The following DEPTOR variants were observed in gnomAD, a reference collection of about 807,000 sequenced individuals.
The protein encoded by DEPTOR is DEP domain-containing mTOR-interacting protein.
A neutral mutation model predicts 41.6 loss-of-function variants in DEPTOR; 41 were observed. That is an observed-to-expected ratio of 0.98 (90% CI 0.77 to 1.28). The LOEUF (loss-of-function observed/expected upper bound fraction) is 1.28, where lower values mean the gene tolerates loss of function less well. DEPTOR is among the 50% of genes most tolerant of loss of function. The probability of loss-of-function intolerance (pLI) is 0.00; values close to 1 mark genes in which losing one functional copy is unlikely to be tolerated. For missense variants in DEPTOR, 514 were observed against 527.9 expected (o/e 0.97, Z 0.26); for synonymous variants, 195 against 192.3 (o/e 1.01, Z -0.12).
At chr8:120,018,845 T>C (rs1812652118) in intron 8 of DEPTOR, among the ~76,000 whole-genome samples, 1 of 152,126 alleles carries the variant, frequency 6.6e-6, no homozygotes, top group Non-Finnish European at 1.5e-5. Flanking sequence ...TGTCCTTCCT[T>C]TGCAGGGATT....
intron 1 of DEPTOR, among the ~76,000 whole-genome samples, chr8:119,919,889 A>G (rs564340521): frequency 6.6e-5 from 10 of 152,186 alleles, no homozygotes; most frequent in Non-Finnish European, 1.0e-4. Context: ...TTGAAAAACA[A>G]TTTCTACATT....
Position 120,011,523 on chromosome 8 carries a change from A to T in DEPTOR, c.1101+2390A>T, listed in dbSNP as rs956059991. On this transcript the variant is annotated intron_variant, in intron 8 of 8. Transcript: ENST00000286234. ...GGATTTTATATTTTATTTCCACAAT[A>T]AAGTACCTGGTATAAATTTTTTTTG... is the stretch of plus-strand genomic sequence containing the variant. Among the ~76,000 whole-genome samples, 22 of 152,332 alleles carry T rather than the reference A, an allele frequency of 1.4e-4. No individual in the cohort carries two copies. The East Asian group carries it at 4.3e-3, about 29-fold the overall frequency.
At chr8:119,895,509 G>A (rs1029398099) in intron 1 of DEPTOR, among the ~76,000 whole-genome samples, 7 of 152,212 alleles carry the variant, frequency 4.6e-5, no homozygotes, top group Admixed American at 2.0e-4. Context: ...CTGTTCCTCA[G>A]GGGGTACCCT....
chr8:119,998,627 A>T (rs781604645), intron 4 of DEPTOR, among the ~76,000 whole-genome samples: 2 of 152,202 alleles, frequency 1.3e-5, no homozygotes, highest in Non-Finnish European at 2.9e-5. Flanking sequence ...AACCTGCACT[A>T]TAGCTCCAAG....
At chr8:119,923,036 T>A (rs2129828788) in intron 1 of DEPTOR, among the ~76,000 whole-genome samples, 1 of 152,120 alleles carries the variant, frequency 6.6e-6, no homozygotes, top group Non-Finnish European at 1.5e-5. Flanking sequence ...GAACTGAACC[T>A]CATTGGCTTG....
chr8:119,927,601 T>A (rs1449534508), intron 1 of DEPTOR, among the ~76,000 whole-genome samples: 2 of 147,230 alleles, frequency 1.4e-5, no homozygotes, highest in South Asian at 2.1e-4. Context: ...TATATATATA[T>A]AAATATATAT....
chr8:120,049,542 T>C (rs768986042), intron 8 of DEPTOR, 34 bp from the exon 9 acceptor site: 1 of 1,608,726 alleles, frequency 6.2e-7, no homozygotes, highest in Non-Finnish European at 8.5e-7. Flanking sequence ...CCAGGCGCTA[T>C]AATAGATGCT....
intron 8 of DEPTOR, among the ~76,000 whole-genome samples, chr8:120,019,948 C>G (rs1812673746): frequency 6.6e-6 from 1 of 152,114 alleles, no homozygotes; most frequent in Admixed American, 6.6e-5. Flanking sequence ...GACCAAGGTC[C>G]TTTCTGACTG....
At chr8:119,918,450 A>C (rs1314116671) in intron 1 of DEPTOR, among the ~76,000 whole-genome samples, 4 of 93,106 alleles carry the variant, frequency 4.3e-5, no homozygotes, top group Admixed American at 2.6e-4. Context: ...TTATTTATTT[A>C]TTTATTTATT....
chr8:119,934,367 G>C (rs562560066), intron 3 of DEPTOR, among the ~76,000 whole-genome samples: 21 of 152,310 alleles, frequency 1.4e-4, no homozygotes, highest in African/African-American at 4.8e-4. Flanking sequence ...GCCCTTTCAA[G>C]TTGCCCCAGT....
At chr8:120,037,445 G>A (rs1407897544) in intron 8 of DEPTOR, among the ~76,000 whole-genome samples, 2 of 152,208 alleles carry the variant, frequency 1.3e-5, no homozygotes, top group East Asian at 1.9e-4. Flanking sequence ...AATGTGAGTG[G>A]AATTGGTAAT....
intron 1 of DEPTOR, among the ~76,000 whole-genome samples, chr8:119,890,100 G>A (rs1229154499): frequency 6.6e-6 from 1 of 152,028 alleles, no homozygotes; most frequent in Non-Finnish European, 1.5e-5. Flanking sequence ...GAGAAGCTGG[G>A]ATTACGGGCA....
chr8:120,009,278 T>G (rs1812495352), intron 8 of DEPTOR, 145 bp downstream of exon 8: 1 of 741,948 alleles, frequency 1.3e-6, no homozygotes, highest in East Asian at 2.7e-5. Context: ...CTCCAAAGTC[T>G]TTAACCTTTC....
At chr8:119,944,785 G>A (rs1208041398) in intron 3 of DEPTOR, among the ~76,000 whole-genome samples, 2 of 151,670 alleles carry the variant, frequency 1.3e-5, no homozygotes, top group African/African-American at 4.8e-5. Flanking sequence ...CTCCTGAGTA[G>A]CTGGGACTAC....
At chr8:119,913,389 CA>C (rs1323189328) in intron 1 of DEPTOR, among the ~76,000 whole-genome samples, 1 of 152,168 alleles carries the variant, frequency 6.6e-6, no homozygotes, top group Non-Finnish European at 1.5e-5. Context: ...AGTTGTTCAT[CA>C]GGCATTTTCA....
intron 4 of DEPTOR, among the ~76,000 whole-genome samples, chr8:120,000,090 AG>A (rs1251113103): frequency 6.6e-6 from 1 of 152,138 alleles, no homozygotes; most frequent in Non-Finnish European, 1.5e-5. Context: ...ATCTGGGTGA[AG>A]GGTACCCAGG....
At chr8:120,007,296 T>G (rs964710954) in intron 7 of DEPTOR, among the ~76,000 whole-genome samples, 1 of 152,180 alleles carries the variant, frequency 6.6e-6, no homozygotes. Flanking sequence ...CCCTTCTGCA[T>G]TAGGATTAAT....
intron 8 of DEPTOR, among the ~76,000 whole-genome samples, chr8:120,021,965 G>A (rs577213184): frequency 6.6e-6 from 1 of 152,044 alleles, no homozygotes; most frequent in Admixed American, 6.6e-5. Flanking sequence ...AGGCAACATA[G>A]CAAGACCTCA....
intron 1 of DEPTOR, among the ~76,000 whole-genome samples, chr8:119,918,814 G>A (rs12541326): frequency 0.72 from 109,180 of 151,846 alleles, 39,667 homozygotes; most frequent in East Asian, 0.95. Context: ...GGCTGGTCTC[G>A]AACTCCCAAC....
Sources: allele counts gnomAD v4.1 joint callset (sites outside exome capture counted in the v4.1 genomes callset), GRCh38; gene constraint gnomAD v4.1.1; transcripts MANE v1.5; gene names NCBI Gene and HGNC (gene_info 2026-07-23, HGNC 2026-07-21).